The following MCTP1 variants were observed in gnomAD, a reference collection of about 807,000 sequenced individuals.
MCTP1 encodes multiple C2 and transmembrane domain-containing protein 1.
Under a neutral mutation model 120.6 loss-of-function variants are expected in MCTP1, and 69 were observed. The observed-to-expected ratio is 0.57, with a 90% confidence interval of 0.47 to 0.70. The LOEUF (loss-of-function observed/expected upper bound fraction) is 0.70, where lower values mean the gene tolerates loss of function less well. Ranked by LOEUF, MCTP1 falls within the 30% of genes least tolerant of loss-of-function variation. The pLI, the probability that MCTP1 is intolerant of heterozygous loss-of-function variation, is 0.00. For missense variants in MCTP1, 1,203 were observed against 1,248.8 expected, an observed-to-expected ratio of 0.96 and a Z score of 0.55; for synonymous variants, 529 against 493.1, an observed-to-expected ratio of 1.07 and a Z score of -0.96.
At chr5:95,022,028 A>T (rs930606824) in intron 1 of MCTP1, among the ~76,000 whole-genome samples, 1 of 152,194 alleles carries the variant, frequency 6.6e-6, no homozygotes, top group East Asian at 1.9e-4. Context: ...TGTAACATTG[A>T]ATCATCTTCA....
intron 1 of MCTP1, among the ~76,000 whole-genome samples, chr5:95,263,226 C>T (rs965056510): frequency 6.6e-6 from 1 of 152,136 alleles, no homozygotes; most frequent in African/African-American, 2.4e-5. Flanking sequence ...GCAGCTCCAG[C>T]CCAAGTTCTG....
intron 1 of MCTP1, among the ~76,000 whole-genome samples, chr5:95,248,824 T>G (rs1289451626): frequency 1.3e-5 from 2 of 152,072 alleles, no homozygotes; most frequent in African/African-American, 4.8e-5. Flanking sequence ...AACAGATATA[T>G]AGACCAATGG....
At chr5:95,068,487 C>T (rs1322821342) in intron 1 of MCTP1, among the ~76,000 whole-genome samples, 2 of 152,140 alleles carry the variant, frequency 1.3e-5, no homozygotes, top group African/African-American at 2.4e-5. Context: ...CGTCAACTTC[C>T]TCAGAGGCAG....
intron 3 of MCTP1, among the ~76,000 whole-genome samples, chr5:94,951,616 C>A (rs900887513): frequency 2.6e-5 from 4 of 152,172 alleles, no homozygotes; most frequent in African/African-American, 9.7e-5. Flanking sequence ...TCTCCCACCT[C>A]CCCACCCCAG....
At chr5:94,998,477 A>G (rs1581760574) in intron 2 of MCTP1, among the ~76,000 whole-genome samples, 1 of 152,174 alleles carries the variant, frequency 6.6e-6, no homozygotes, top group African/African-American at 2.4e-5. Flanking sequence ...ACACAGACCA[A>G]CTGATTCTGG....
At chr5:94,851,547 T>G (rs1793702276) in intron 17 of MCTP1, among the ~76,000 whole-genome samples, 1 of 152,086 alleles carries the variant, frequency 6.6e-6, no homozygotes, top group Non-Finnish European at 1.5e-5. Flanking sequence ...CCACACATCC[T>G]TAATTTTAAA....
intron 1 of MCTP1, among the ~76,000 whole-genome samples, chr5:95,123,448 C>T (rs992479274): frequency 6.6e-6 from 1 of 152,170 alleles, no homozygotes; most frequent in African/African-American, 2.4e-5. Flanking sequence ...ATGTGTACTT[C>T]AGAAAGGAAA....
chr5:95,206,574 C>G (rs1751644127), intron 1 of MCTP1, among the ~76,000 whole-genome samples: 1 of 152,144 alleles, frequency 6.6e-6, no homozygotes, highest in South Asian at 2.1e-4. Context: ...CTCACTCTGT[C>G]ACCAGGCTGG....
intron 2 of MCTP1, among the ~76,000 whole-genome samples, chr5:94,978,299 TA>T (rs915858306): frequency 6.6e-6 from 1 of 151,004 alleles, no homozygotes; most frequent in East Asian, 1.9e-4. Context: ...TGGAGATTTC[TA>T]AAAAAAAATA....
intron 1 of MCTP1, among the ~76,000 whole-genome samples, chr5:95,115,292 AG>A (rs1469782121): frequency 6.6e-6 from 1 of 152,160 alleles, no homozygotes; most frequent in Non-Finnish European, 1.5e-5. Context: ...ATACAGCACC[AG>A]GGACCAATCC....
intron 1 of MCTP1, among the ~76,000 whole-genome samples, chr5:95,186,783 G>A (rs773881933): frequency 1.3e-5 from 2 of 152,138 alleles, no homozygotes; most frequent in African/African-American, 2.4e-5. Flanking sequence ...AAGACAGTAT[G>A]GTAGTGTTTT....
chr5:94,978,937 G>A (rs144763529), intron 2 of MCTP1: 1 of 151,976 alleles, frequency 6.6e-6, no homozygotes, highest in African/African-American at 2.4e-5. Flanking sequence ...ACTGCCTACT[G>A]AGTTTTTGAG....
chr5:94,861,793 C>A (rs1247826351), intron 17 of MCTP1, among the ~76,000 whole-genome samples: 1 of 151,654 alleles, frequency 6.6e-6, no homozygotes, highest in Non-Finnish European at 1.5e-5. Flanking sequence ...TTTTTTGATC[C>A]TTAGTCAACT....
At chr5:94,784,812 A>T (rs557384078) in intron 18 of MCTP1, 1 of 152,152 alleles carries the variant, frequency 6.6e-6, no homozygotes, top group African/African-American at 2.4e-5. Context: ...ATAAAAAAAA[A>T]AGCATTAGTA....
chr5:95,114,051 A>G (rs1757643562), intron 1 of MCTP1, among the ~76,000 whole-genome samples: 1 of 152,180 alleles, frequency 6.6e-6, no homozygotes. Flanking sequence ...AAGAGAACCT[A>G]CAGGCTTGAA....
At chr5:95,083,023 C>A (rs941122301) in intron 1 of MCTP1, among the ~76,000 whole-genome samples, 3 of 151,828 alleles carry the variant, frequency 2.0e-5, no homozygotes, top group Non-Finnish European at 4.4e-5. Flanking sequence ...ATTTGTTTAC[C>A]TATTTATAGT....
chr5:95,169,249 C>T (rs1378375446), intron 1 of MCTP1, among the ~76,000 whole-genome samples: 1 of 152,208 alleles, frequency 6.6e-6, no homozygotes, highest in African/African-American at 2.4e-5. Flanking sequence ...AGGAAGCCAA[C>T]TTGATCATGG....
chr5:95,091,662 T>C (rs575755264), intron 1 of MCTP1, among the ~76,000 whole-genome samples: 1 of 152,298 alleles, frequency 6.6e-6, no homozygotes, highest in South Asian at 2.1e-4. Flanking sequence ...CTTTCACAGT[T>C]TGTCCCACAA....
At chr5:95,165,722 CTG>C (rs1746255725) in intron 1 of MCTP1, among the ~76,000 whole-genome samples, 1 of 152,172 alleles carries the variant, frequency 6.6e-6, no homozygotes, top group African/African-American at 2.4e-5. Context: ...TTATCTTAAT[CTG>C]TGAGTCTGTC....
Sources: gnomAD v4.1 joint callset for allele counts (sites outside exome capture counted in the v4.1 genomes callset) on GRCh38, gnomAD v4.1.1 for gene constraint, MANE v1.5 for transcripts, NCBI Gene and HGNC (gene_info 2026-07-23, HGNC 2026-07-21) for gene names.